Variants in ABCC12 observed in about 807,000 individuals in gnomAD.
ABCC12 encodes ATP-binding cassette sub-family C member 12.
ABCC12 carries 142 observed loss-of-function variants against 151.1 expected under a neutral mutation model. The ratio of observed to expected loss-of-function variants is 0.94; its 90% CI spans 0.82 to 1.08. The LOEUF is 1.08. ABCC12 is among the 50% of genes least tolerant of loss of function. The pLI is 0.00. For missense variants in ABCC12, 1,638 were observed against 1,691.1 expected (o/e 0.97, Z 0.55); for synonymous variants, 645 against 646.4 (o/e 1.00, Z 0.03).
chr16:48,092,518 G>T (rs1300407277), intron 24 of ABCC12, among the ~76,000 whole-genome samples: 3 of 152,220 alleles, frequency 2.0e-5, no homozygotes, highest in African/African-American at 7.2e-5. Flanking sequence ...GCCCTGGAAG[G>T]GTGGGGCAGC....
intron 12 of ABCC12, among the ~76,000 whole-genome samples, chr16:48,122,150 G>A (rs979868894): frequency 6.6e-6 from 1 of 152,204 alleles, no homozygotes; most frequent in Non-Finnish European, 1.5e-5. Flanking sequence ...ACTACAACAG[G>A]ATGTTCTCTG....
Position 48,108,559 on chromosome 16 carries a change from C to G in ABCC12, c.2282-30G>C, listed in dbSNP as rs374279973. 6.2e-6 allele frequency: 10 copies of G among 1,603,914 alleles called. No individual in the cohort carries two copies. The African/African-American group carries it at 9.4e-5, about 15-fold the overall frequency. ...GGAGACAAACACAAGTGCCATGGCT[C>G]TCACCACTGGGGTGGGGGCCCAGCG... On this transcript the variant is annotated intron_variant, in intron 18 of 30. Transcript: ENST00000311303.
intron 13 of ABCC12, among the ~76,000 whole-genome samples, chr16:48,120,314 C>T (rs1964023691): frequency 6.6e-6 from 1 of 152,018 alleles, no homozygotes; most frequent in Middle Eastern, 3.2e-3. Context: ...GTGGGAATTC[C>T]AAAAGGATGG....
At position 48,104,361 on chromosome 16, in the gene ABCC12, T is replaced by A. The variant is rs8057474; in HGVS notation, c.2681A>T (p.Lys894Met). ...LHDTVFDKIL[K>M]SPMSFFDTTP... ...CGTGTCAAAGAAACTCATTGGGCTC[T>A]TTAAGATCTGTGGAGAATGGTAGAG... Residue 894 changes from lysine to methionine, a missense_variant, in exon 22 of 31, where the codon AAG becomes ATG. Physicochemically the swap from Lys to Met is moderately conservative, Grantham distance 95. Transcript: ENST00000311303. 8,102 of 1,614,126 alleles carry A rather than the reference T, an allele frequency of 5.0e-3. 263 individuals are homozygous for A. In the African/African-American group the frequency reaches 0.082, roughly 16 times the overall value.
At chr16:48,102,444 GCTT>G (rs1963339412) in intron 22 of ABCC12, among the ~76,000 whole-genome samples, 1 of 152,198 alleles carries the variant, frequency 6.6e-6, no homozygotes, top group Non-Finnish European at 1.5e-5. Flanking sequence ...TGCTTTTGTT[GCTT>G]CTTTCTTTCC....
chr16:48,108,646 C>G, intron 18 of ABCC12, 117 bp from the exon 19 acceptor site: 4 of 707,320 alleles, frequency 5.7e-6, no homozygotes, highest in Non-Finnish European at 9.7e-6. Context: ...ATGCATCCTT[C>G]CACTCGTCCC....
rs749904635 is a variant in ABCC12, at chr16:48,086,800, C to T, written c.3655G>A (p.Glu1219Lys). ...GTVRYNLDPF[E>K]SHTDEMLWQV... The stretch of plus-strand genomic sequence containing the variant: ...CAGAGCATCTCATCGGTGTGACTCT[C>T]AAAGGGATCCAAGTTGTACCTGCAA... Residue 1219 changes from glutamate to lysine, a missense_variant, in exon 28 of 31, where the codon GAG becomes AAG. Physicochemically the swap from Glu to Lys is moderately conservative, Grantham distance 56. Transcript: ENST00000311303. The T allele has an allele frequency of 2.1e-5, 34 of 1,613,664 alleles. No homozygotes were observed. The highest frequency in any genetic ancestry group is 2.6e-5 in the Non-Finnish European group (31 of 1,179,770).
intron 23 of ABCC12, 131 bp downstream of exon 23, chr16:48,100,738 ACTC>A (rs1483142496): frequency 9.1e-7 from 1 of 1,099,480 alleles, no homozygotes; most frequent in Non-Finnish European, 1.2e-6. Flanking sequence ...GTCTTCAAGG[ACTC>A]CTCCTGATTC....
At chr16:48,149,770 CAATT>C (rs1397535865) in intron 2 of ABCC12, among the ~76,000 whole-genome samples, 2 of 152,074 alleles carry the variant, frequency 1.3e-5, no homozygotes, top group South Asian at 2.1e-4. Context: ...GAAGGACAAA[CAATT>C]AATTAGAGGA....
intron 2 of ABCC12, among the ~76,000 whole-genome samples, chr16:48,151,518 T>C (rs1402931558): frequency 6.6e-6 from 1 of 152,208 alleles, no homozygotes; most frequent in Non-Finnish European, 1.5e-5. Context: ...AATGTAGCAA[T>C]ATTGTGCATT....
chr16:48,096,762 AAT>A lies in ABCC12; in HGVS notation c.3177_3178del (p.Leu1060ValfsTer40). ...AGGCATTACCTGGATGATGTATGAC[AAT>A]GACAGGCCTTTGGATGAAGTACTGA... On this transcript the variant is annotated frameshift_variant, in exon 24 of 31. Transcript: ENST00000311303. LOFTEE classifies it high-confidence loss of function. 6.2e-7 allele frequency: 1 copy of A among 1,614,000 alleles called. No homozygotes were observed. The highest frequency in any genetic ancestry group is 8.5e-7 in the Non-Finnish European group (1 of 1,179,890).
intron 2 of ABCC12, among the ~76,000 whole-genome samples, chr16:48,150,822 ATCTATTTTAAGCTAACAGTGAG>A (rs770709555): frequency 6.6e-6 from 1 of 152,206 alleles, no homozygotes; most frequent in Non-Finnish European, 1.5e-5. Flanking sequence ...AACCGTCCAT[ATCTATTTTAAGCTAACAGTGAG>A]TTCATACTGA....
chr16:48,091,316 C>A (rs919897960), intron 24 of ABCC12, 107 bp from the exon 25 acceptor site: 4 of 956,668 alleles, frequency 4.2e-6, no homozygotes, highest in Non-Finnish European at 6.8e-6. Flanking sequence ...CCCTGCCTAG[C>A]GCAAGACAGC....
chr16:48,153,988 C>T (rs1226347984), intron 1 of ABCC12, 104 bp from the exon 2 acceptor site: 2 of 152,322 alleles, frequency 1.3e-5, no homozygotes, highest in Non-Finnish European at 2.9e-5. Flanking sequence ...GAGGAGCTGC[C>T]TGGGGTGAGA....
rs766151703 is a variant in ABCC12 at position 48,105,264 on chromosome 16, C to T, written c.2548G>A (p.Val850Met). 3 of 1,613,996 alleles carry T rather than the reference C, an allele frequency of 1.9e-6. No individual in the cohort carries two copies. Among genetic ancestry groups the T allele is most frequent in the Admixed American group, 3.3e-5 (2 of 60,008 alleles). The change falls in exon 21 of 31, where the codon GTG becomes ATG. Residue 850 changes from valine to methionine, a missense_variant. By Grantham distance (21) the Val-to-Met change is conservative. Coordinates refer to ENST00000311303, the MANE Select transcript of ABCC12 (RefSeq NM_001393797.1). ...CTTGCAGTGTACACCCACTGGTACACATGCTGACCGATGTCTGCCAGCACC... is the reference window on the plus strand; with the variant it reads ...CTTGCAGTGTACACCCACTGGTACATATGCTGACCGATGTCTGCCAGCACC... Reference protein sequence around the residue: ...GAVLADIGQHVYQWVYTASMV... With the variant: ...GAVLADIGQHMYQWVYTASMV...
intron 13 of ABCC12, among the ~76,000 whole-genome samples, chr16:48,119,257 C>T (rs569504838): frequency 3.3e-5 from 5 of 152,338 alleles, no homozygotes; most frequent in South Asian, 2.1e-4. Context: ...AATCCGAGCA[C>T]GGTCTACTGC....
intron 12 of ABCC12, among the ~76,000 whole-genome samples, chr16:48,123,040 C>A (rs1455270652): frequency 6.6e-6 from 1 of 152,244 alleles, no homozygotes; most frequent in Non-Finnish European, 1.5e-5. Flanking sequence ...CCAGTGACCA[C>A]AGCCAGGGGC....
intron 25 of ABCC12, 56 bp downstream of exon 25, chr16:48,091,064 G>A (rs1962864208): frequency 4.6e-6 from 7 of 1,535,380 alleles, no homozygotes; most frequent in Non-Finnish European, 6.3e-6. Flanking sequence ...TCCAGTATTT[G>A]CCCAAGTCCT....
At position 48,107,419 on chromosome 16, in the gene ABCC12, A is replaced by G; in HGVS notation, c.2378T>C (p.Leu793Pro). 1 of 1,614,120 alleles carries G rather than the reference A, an allele frequency of 6.2e-7. No individual in the cohort carries two copies. The highest frequency in any genetic ancestry group is 8.5e-7 in the Non-Finnish European group (1 of 1,179,996). ...GAGGAACACAGTGAAGAGAGAAAGG[A>G]GGTACCCTGCAAGAGGAGCGGAGAG... The part of the protein sequence containing the change: ...HTYIKASGGY[L>P]LSLFTVFLFL... Residue 793 changes from leucine to proline, a missense_variant, in exon 20 of 31, where the codon CTC becomes CCC. Transcript: ENST00000311303.
Sources: gnomAD v4.1 joint callset for allele counts (sites outside exome capture counted in the v4.1 genomes callset) on GRCh38, gnomAD v4.1.1 for gene constraint, MANE v1.5 for transcripts, NCBI Gene and HGNC (gene_info 2026-07-23, HGNC 2026-07-21) for gene names.